Variants in PCDHAC2 observed in about 807,000 individuals in gnomAD.
PCDHAC2 encodes the protein protocadherin alpha subfamily C, 2.
A neutral mutation model predicts 63.3 loss-of-function variants in PCDHAC2; 24 were observed. The ratio of observed to expected loss-of-function variants is 0.38; its 90% CI spans 0.27 to 0.53. PCDHAC2 has a LOEUF of 0.53. PCDHAC2 is among the 20% of genes least tolerant of loss of function. The probability of loss-of-function intolerance (pLI) is 0.81; values close to 1 mark genes in which losing one functional copy is unlikely to be tolerated. For synonymous variants in PCDHAC2, 569 were observed against 529.4 expected (o/e 1.07, Z -1.03); for missense variants, 1,181 against 1,275.2 (o/e 0.93, Z 1.12).
chr5:140,978,820 TG>T, intron 1 of PCDHAC2, 128 bp from the exon 2 acceptor site: 2 of 1,517,498 alleles, frequency 1.3e-6, no homozygotes, highest in Non-Finnish European at 1.8e-6. Flanking sequence ...GAGTTACACA[TG>T]AAATGGCTCA....
At chr5:140,985,154 G>T (rs2097139142) in intron 3 of PCDHAC2, among the ~76,000 whole-genome samples, 1 of 152,086 alleles carries the variant, frequency 6.6e-6, no homozygotes, top group South Asian at 2.1e-4. Flanking sequence ...AGCCAGGATT[G>T]TCTCAATCTC....
rs782502082 is a variant in PCDHAC2 at position 140,967,572 on chromosome 5, A to T, written c.806A>T (p.Asp269Val). 4.3e-6 allele frequency: 7 copies of T among 1,613,544 alleles called. No individual in the cohort carries two copies. The highest frequency in any genetic ancestry group is 3.3e-4 in the Middle Eastern group (2 of 6,062). The change falls in exon 1 of 4, where the codon GAC (aspartate) becomes GTC (valine). Residue 269 changes from aspartate to valine, a missense_variant. This residue lies in a region of PCDHAC2 where 968 missense variants were observed against 1,073.5 expected (regional missense o/e 0.90). Coordinates refer to ENST00000289269, the MANE Select transcript of PCDHAC2 (RefSeq NM_018899.6). ...ACTTATCGCGTCCAGCTACGGGAGG[A>T]CTCACCCCCAGGCACATTGGTGGTG... ...QSTYRVQLRE[D>V]SPPGTLVVKL...
rs1554229552 is a variant in PCDHAC2 at position 140,967,430 on chromosome 5, T to C, written c.664T>C (p.Leu222=). 1.2e-6 allele frequency: 2 copies of C among 1,613,482 alleles called. No individual in the cohort carries two copies. Among genetic ancestry groups the C allele is most frequent in the East Asian group, 4.5e-5 (2 of 44,858 alleles). ...RKGLDREQAA[L]HHLVLTAVDG... ...GGGCCTAGACCGGGAGCAGGCAGCCTTGCACCACCTGGTTCTCACAGCCGT... is the reference window on the plus strand; with the variant it reads ...GGGCCTAGACCGGGAGCAGGCAGCCCTGCACCACCTGGTTCTCACAGCCGT... The change falls in exon 1 of 4, where the codon TTG becomes CTG. Residue 222 remains leucine, a synonymous_variant. Coordinates refer to ENST00000289269, the MANE Select transcript of PCDHAC2 (RefSeq NM_018899.6).
chr5:140,976,776 C>T (rs1554237952), intron 1 of PCDHAC2, among the ~76,000 whole-genome samples: 1 of 152,184 alleles, frequency 6.6e-6, no homozygotes. Context: ...TAGACTCTGA[C>T]TATATAGCTA....
At chr5:140,985,739 CTTTTTTTTTT>C (rs11372071) in intron 3 of PCDHAC2, among the ~76,000 whole-genome samples, 1 of 117,922 alleles carries the variant, frequency 8.5e-6, no homozygotes, top group African/African-American at 3.2e-5. Context: ...TGATGAATTC[CTTTTTTTTTT>C]TTTTTTTTTT....
chr5:140,995,998 C>T (rs1197239441), intron 3 of PCDHAC2, among the ~76,000 whole-genome samples: 1 of 152,192 alleles, frequency 6.6e-6, no homozygotes, highest in Non-Finnish European at 1.5e-5. Context: ...TCAAAAATGT[C>T]GTCAGAACTA....
At chr5:140,973,276 C>G (rs1416819589) in intron 1 of PCDHAC2, among the ~76,000 whole-genome samples, 1 of 152,132 alleles carries the variant, frequency 6.6e-6, no homozygotes, top group African/African-American at 2.4e-5. Context: ...TTTATTTCCC[C>G]CAGCACTGAT....
At chr5:140,992,023 G>C (rs1415968916) in intron 3 of PCDHAC2, among the ~76,000 whole-genome samples, 2 of 148,226 alleles carry the variant, frequency 1.3e-5, no homozygotes, top group African/African-American at 4.9e-5. Flanking sequence ...GGCTCTGTGT[G>C]TGTGTGTGTG....
chr5:140,986,566 TTA>T (rs782155316), intron 3 of PCDHAC2, among the ~76,000 whole-genome samples: 3 of 152,114 alleles, frequency 2.0e-5, no homozygotes, highest in Non-Finnish European at 4.4e-5. Context: ...TTGTTATCTG[TTA>T]TTGGTTTTTC....
At chr5:140,978,798 G>T (rs1249216156) in intron 1 of PCDHAC2, 151 bp from the exon 2 acceptor site, 2 of 1,477,414 alleles carry the variant, frequency 1.4e-6, no homozygotes, top group Admixed American at 2.3e-5. Context: ...TATATATGTA[G>T]ATATCATCAT....
rs782387198 is a variant in PCDHAC2, at chr5:140,967,124, A to G, written c.358A>G (p.Ser120Gly). 1.2e-6 allele frequency: 2 copies of G among 1,612,200 alleles called. No individual in the cohort carries two copies. The highest frequency in any genetic ancestry group is 2.2e-5 in the South Asian group (2 of 91,032). The change falls in exon 1 of 4, where the codon AGC becomes GGC. Residue 120 changes from serine (S) to glycine (G), a missense_variant. Ser to Gly is a moderately conservative substitution (Grantham distance 56). Coordinates refer to ENST00000289269, the MANE Select transcript of PCDHAC2 (RefSeq NM_018899.6). ...TGAGCAGCGGCCTCGCTGCCTGCTC[A>G]GCTTGGAAGTGCTGGCGCACAACCC... ...LCEQRPRCLL[S>G]LEVLAHNPVA... is the part of the protein sequence containing the mutation.
chr5:140,982,416 A>C, intron 2 of PCDHAC2, 59 bp from the exon 3 acceptor site: 1 of 1,610,294 alleles, frequency 6.2e-7, no homozygotes, highest in Non-Finnish European at 8.5e-7. Context: ...TGAGGGTGGA[A>C]GAAGAGATGG....
At chr5:140,977,978 G>A (rs1401757319) in intron 1 of PCDHAC2, among the ~76,000 whole-genome samples, 2 of 152,048 alleles carry the variant, frequency 1.3e-5, no homozygotes, top group Non-Finnish European at 2.9e-5. Flanking sequence ...CCATGAAAAC[G>A]CATCTAGAGG....
chr5:140,979,004 A>T lies in PCDHAC2; in HGVS notation c.2621A>T (p.His874Leu). ...RYSASLRAGM[H>L]SSVHLEEAGI... Reference sequence around the variant, plus strand: ...TCTGCCTCCCTGAGAGCAGGCATGCACAGGTATGTATTTCCCTCCTCATTC... The same window carrying T: ...TCTGCCTCCCTGAGAGCAGGCATGCTCAGGTATGTATTTCCCTCCTCATTC... Residue 874 changes from histidine (H) to leucine (L), a missense_variant, in exon 2 of 4, where the codon CAC becomes CTC. His to Leu is a moderately conservative substitution (Grantham distance 99). Coordinates refer to ENST00000289269, the MANE Select transcript of PCDHAC2 (RefSeq NM_018899.6). The T allele has an allele frequency of 6.2e-7, 1 of 1,614,144 alleles. No homozygotes were observed. Among genetic ancestry groups the T allele is most frequent in the South Asian group, 1.1e-5 (1 of 91,052 alleles).
At chr5:140,989,802 G>C (rs2153885493) in intron 3 of PCDHAC2, among the ~76,000 whole-genome samples, 2 of 152,336 alleles carry the variant, frequency 1.3e-5, no homozygotes, top group South Asian at 4.1e-4. Flanking sequence ...CCAGGAAAGG[G>C]CCATAAGATT....
Position 140,967,338 on chromosome 5 carries a change from A to G in PCDHAC2, c.572A>G (p.Glu191Gly). Residue 191 changes from glutamate (E) to glycine (G), a missense_variant, in exon 1 of 4, where the codon GAG becomes GGG. Transcript: ENST00000289269. ...CAGACCTACGAGCTCAGCCCCAGCG[A>G]GCACTTCGAGCTGGACCTTAAGCCC... ...SVQTYELSPS[E>G]HFELDLKPLQ... The G allele has an allele frequency of 3.7e-6, 6 of 1,607,948 alleles. No individual in the cohort carries two copies. The highest frequency in any genetic ancestry group is 4.3e-6 in the Non-Finnish European group (5 of 1,175,838).
intron 1 of PCDHAC2, 144 bp downstream of exon 1, chr5:140,969,475 C>A: frequency 1.4e-6 from 2 of 1,476,386 alleles, no homozygotes; most frequent in South Asian, 1.4e-5. Context: ...ACAATTTGAT[C>A]ATAATCTGCT....
intron 2 of PCDHAC2, chr5:140,982,259 G>A (rs2153828072): frequency 2.4e-6 from 2 of 820,856 alleles, no homozygotes; most frequent in South Asian, 4.9e-5. Context: ...GAACATGTGT[G>A]TTCCTGGAAT....
chr5:140,980,360 G>A (rs1173525969), intron 2 of PCDHAC2, among the ~76,000 whole-genome samples: 4 of 152,142 alleles, frequency 2.6e-5, no homozygotes, highest in Middle Eastern at 3.2e-3. Context: ...GACTGGGCGC[G>A]GTGGCTCACA....
Sources: allele counts gnomAD v4.1 joint callset (sites outside exome capture counted in the v4.1 genomes callset), GRCh38; gene constraint gnomAD v4.1.1; regional missense constraint gnomAD v4.1.1; transcripts MANE v1.5; gene names NCBI Gene and HGNC (gene_info 2026-07-23, HGNC 2026-07-21).